Variants in NUGGC observed in about 807,000 individuals in gnomAD.
The protein encoded by NUGGC is nuclear GTPase SLIP-GC.
NUGGC carries 58 observed loss-of-function variants against 92.6 expected under a neutral mutation model. The ratio of observed to expected loss-of-function variants is 0.63; its 90% CI spans 0.51 to 0.78. The LOEUF (loss-of-function observed/expected upper bound fraction) is 0.78. Ranked by LOEUF, NUGGC falls within the 30% of genes least tolerant of loss-of-function variation. The pLI, the probability that NUGGC is intolerant of heterozygous loss-of-function variation, is 0.00. For missense variants in NUGGC, 925 were observed against 964.6 expected, an observed-to-expected ratio of 0.96 and a Z score of 0.54; for synonymous variants, 376 against 366.4, an observed-to-expected ratio of 1.03 and a Z score of -0.30.
chr8:28,069,833 A>G (rs1323759461), intron 3 of NUGGC, 181 bp from the exon 4 acceptor site: 1 of 587,742 alleles, frequency 1.7e-6, no homozygotes, highest in Admixed American at 3.0e-5. Flanking sequence ...GATAGCAATC[A>G]TTGGTTCTGA....
At position 28,045,528 on chromosome 8, in the gene NUGGC, G is replaced by C; in HGVS notation, c.1445C>G (p.Pro482Arg). The C allele has an allele frequency of 6.2e-7, 1 of 1,611,460 alleles. No individual in the cohort carries two copies. The change falls in exon 12 of 19, where the codon CCG (proline) becomes CGG (arginine). Residue 482 changes from proline (P) to arginine (R), a missense_variant and splice_region_variant. Pro to Arg is a moderately radical substitution (Grantham distance 103). Transcript: ENST00000413272. ...TDSFNSTQNL[P>R]NEHLHMSVLR... ...ATGAAAACCCAGTGTCTTCCATACC[G>C]GCAGGTTTTGCGTGGAGTTGAAACT... is the stretch of plus-strand genomic sequence containing the variant.
At chr8:28,079,928 G>T (rs373638489) in intron 1 of NUGGC, among the ~76,000 whole-genome samples, 2 of 106,648 alleles carry the variant, frequency 1.9e-5, no homozygotes, top group African/African-American at 3.2e-5. Flanking sequence ...GTTGTTCTTT[G>T]TTTTTTTGTT....
rs1383578140 is a variant in NUGGC, at chr8:28,067,566, T to C, written c.659A>G (p.Lys220Arg). Reference sequence around the variant, plus strand: ...GGAGGTGGGGATCTTCCTTTTGGGCTTCGCCCTCAGTAACTCCTCATAGTT... The same window carrying C: ...GGAGGTGGGGATCTTCCTTTTGGGCCTCGCCCTCAGTAACTCCTCATAGTT... Reference protein sequence around the residue: ...SKNYEELLRAKPKRKIPTSRV... With the variant: ...SKNYEELLRARPKRKIPTSRV... Residue 220 changes from lysine (K) to arginine (R), a missense_variant, in exon 6 of 19, where the codon AAG (lysine) becomes AGG (arginine). Transcript: ENST00000413272. 1 of 1,613,208 alleles carries C rather than the reference T, an allele frequency of 6.2e-7. No individual in the cohort carries two copies. The highest frequency in any genetic ancestry group is 1.3e-5 in the African/African-American group (1 of 74,942).
At chr8:28,032,883 G>T (rs1391045253) in intron 14 of NUGGC, among the ~76,000 whole-genome samples, 2 of 152,044 alleles carry the variant, frequency 1.3e-5, no homozygotes, top group Non-Finnish European at 2.9e-5. Context: ...TCTGAGGCTG[G>T]GTGTGGTGGC....
intron 1 of NUGGC, among the ~76,000 whole-genome samples, chr8:28,076,074 A>G (rs1810715077): frequency 6.6e-6 from 1 of 152,166 alleles, no homozygotes; most frequent in African/African-American, 2.4e-5. Flanking sequence ...CCCCGGCTCC[A>G]TACACACCTG....
At chr8:28,042,162 C>T (rs1809717290) in intron 12 of NUGGC, among the ~76,000 whole-genome samples, 1 of 152,112 alleles carries the variant, frequency 6.6e-6, no homozygotes, top group African/African-American at 2.4e-5. Context: ...ACTGTGAGTC[C>T]ATTAAACCTC....
intron 8 of NUGGC, chr8:28,060,176 C>A (rs1810261297): frequency 9.6e-6 from 6 of 621,820 alleles, no homozygotes; most frequent in South Asian, 9.3e-5. Flanking sequence ...GTGAGTGGCA[C>A]CCCCAGAGCT....
rs567570205 is a variant in NUGGC at position 28,064,694 on chromosome 8, C to A, written c.749G>T (p.Arg250Leu). The change falls in exon 7 of 19, where the codon CGC (arginine) becomes CTC (leucine). Residue 250 changes from arginine (R) to leucine (L), a missense_variant. By Grantham distance (102) the Arg-to-Leu change is moderately radical. Transcript: ENST00000413272. ...ELSIKLDPYI[R>L]TQRRDWDGEA... Reference sequence around the variant, plus strand: ...TCCATCCCAATCTCTCCTCTGTGTGCGGATGTAGGGGTCCAGCTTGATGGA... The same window carrying A: ...TCCATCCCAATCTCTCCTCTGTGTGAGGATGTAGGGGTCCAGCTTGATGGA... The A allele has an allele frequency of 2.5e-6, 4 of 1,613,948 alleles. No individual in the cohort carries two copies. The highest frequency in any genetic ancestry group is 2.2e-5 in the South Asian group (2 of 91,068).
At chr8:28,069,674 C>T in intron 3 of NUGGC, 22 bp from the exon 4 acceptor site, 3 of 1,344,230 alleles carry the variant, frequency 2.2e-6, no homozygotes, top group Non-Finnish European at 3.2e-6. Context: ...AGAGAGATGT[C>T]ACCTGCAGGT....
chr8:28,073,071 C>T (rs1332901536), intron 2 of NUGGC, among the ~76,000 whole-genome samples: 8 of 151,348 alleles, frequency 5.3e-5, no homozygotes, highest in African/African-American at 1.7e-4. Flanking sequence ...GGCTGGGTCA[C>T]GGCTCACTGC....
Position 28,064,672 on chromosome 8 carries a change from A to G in NUGGC, c.771T>C (p.Asp257=), listed in dbSNP as rs1810393050. The change falls in exon 7 of 19, where the codon GAT becomes GAC. Residue 257 remains aspartate (D), a synonymous_variant. Transcript: ENST00000413272. The stretch of plus-strand genomic sequence containing the variant: ...AGATGCGCATCTCAGCGGCCTCTCC[A>G]TCCCAATCTCTCCTCTGTGTGCGGA... ...PYIRTQRRDW[D]GEAAEMRIWP... 9.3e-6 allele frequency: 15 copies of G among 1,613,938 alleles called. No homozygotes were observed. Among genetic ancestry groups the G allele is most frequent in the Non-Finnish European group, 1.3e-5 (15 of 1,179,882 alleles).
In NUGGC at chr8:28,064,652, C is replaced by T. The variant is rs139165843; in HGVS notation, c.791G>A (p.Arg264His). Reference protein sequence around the residue: ...RDWDGEAAEMRIWPLIKHVEV... With the variant: ...RDWDGEAAEMHIWPLIKHVEV... Reference sequence around the variant, plus strand: ...CACATGTTTGATCAAGGGCCAGATGCGCATCTCAGCGGCCTCTCCATCCCA... The same window carrying T: ...CACATGTTTGATCAAGGGCCAGATGTGCATCTCAGCGGCCTCTCCATCCCA... Residue 264 changes from arginine (R) to histidine (H), a missense_variant, in exon 7 of 19, where the codon CGC (arginine) becomes CAC (histidine). Transcript: ENST00000413272. 4.0e-4 allele frequency: 642 copies of T among 1,613,970 alleles called. 4 individuals are homozygous for T. The East Asian group carries it at 0.01, about 26-fold the overall frequency.
At chr8:28,079,443 T>A (rs1410586309) in intron 1 of NUGGC, among the ~76,000 whole-genome samples, 1 of 152,008 alleles carries the variant, frequency 6.6e-6, no homozygotes, top group South Asian at 2.1e-4. Flanking sequence ...AGGAGGCTGA[T>A]GCAGGAGAAT....
intron 7 of NUGGC, 71 bp from the exon 8 acceptor site, chr8:28,060,672 T>A: frequency 1.4e-6 from 2 of 1,422,662 alleles, no homozygotes; most frequent in Non-Finnish European, 1.9e-6. Context: ...GGTTCCCTAA[T>A]GTATCCCTTA....
At position 28,041,076 on chromosome 8, in the gene NUGGC, C is replaced by G. The variant is rs200817436; in HGVS notation, c.1586G>C (p.Arg529Pro). 1 of 1,605,844 alleles carries G rather than the reference C, an allele frequency of 6.2e-7. No individual in the cohort carries two copies. Among genetic ancestry groups the G allele is most frequent in the Non-Finnish European group, 8.5e-7 (1 of 1,176,398 alleles). Reference protein sequence around the residue: ...EGVRTARTSYRCILRACLVRS... With the variant: ...EGVRTARTSYPCILRACLVRS... ...CACCAAGCATGCTCTGAGGATGCAG[C>G]GGTAAGAAGTCCTGGCGGTCCTGAC... Residue 529 changes from arginine (R) to proline (P), a missense_variant, in exon 13 of 19, where the codon CGC becomes CCC. Transcript: ENST00000413272.
At chr8:28,080,106 T>G (rs1368759228) in intron 1 of NUGGC, among the ~76,000 whole-genome samples, 1 of 152,022 alleles carries the variant, frequency 6.6e-6, no homozygotes, top group African/African-American at 2.4e-5. Context: ...CATGCCCGGC[T>G]AATTTTTGTA....
rs1342650343 is a variant in NUGGC, at chr8:28,055,883, A to C, written c.1206+82T>G. 8 of 752,816 alleles carry C rather than the reference A, an allele frequency of 1.1e-5. No individual in the cohort carries two copies. The African/African-American group carries it at 1.4e-4, about 13-fold the overall frequency. The allele number at this position is 752,816 out of a possible 1,614,324, so 46.6% of individuals were successfully genotyped here. On this transcript the variant is annotated intron_variant, in intron 10 of 18. Transcript: ENST00000413272. ...TTCCAAAACTTTGGCCCTTGCAACT[A>C]CACAATACCAGGCATACATTTGTCT...
In NUGGC at chr8:28,070,368, CA is replaced by C. The variant is rs939140104; in HGVS notation, c.44-13del. The C allele has an allele frequency of 1.1e-5, 14 of 1,332,848 alleles. No individual in the cohort carries two copies. Among genetic ancestry groups the C allele is most frequent in the Non-Finnish European group, 1.5e-5 (14 of 949,200 alleles). The allele number at this position is 1,332,848 out of a possible 1,614,324, so 82.6% of individuals were successfully genotyped here. ...TAAATCATCTTCAACTAGAGATAAA[CA>C]GAGGATATATAAGATTATAGGTGTT... is the stretch of plus-strand genomic sequence containing the variant. On this transcript the variant is annotated splice_polypyrimidine_tract_variant and intron_variant, in intron 2 of 18. Transcript: ENST00000413272.
chr8:28,061,828 A>G (rs1810313689), intron 7 of NUGGC, among the ~76,000 whole-genome samples: 1 of 152,140 alleles, frequency 6.6e-6, no homozygotes, highest in Non-Finnish European at 1.5e-5. Flanking sequence ...ATGCAGCTAA[A>G]CATTCTTCAA....
Sources: gnomAD v4.1 joint callset for allele counts (sites outside exome capture counted in the v4.1 genomes callset) on GRCh38, gnomAD v4.1.1 for gene constraint, MANE v1.5 for transcripts, NCBI Gene and HGNC (gene_info 2026-07-23, HGNC 2026-07-21) for gene names.